Variants in C4orf54 observed in about 807,000 individuals in gnomAD.
C4orf54 encodes uncharacterized protein C4orf54.
A neutral mutation model predicts 80.1 loss-of-function variants in C4orf54; 67 were observed. The observed-to-expected ratio is 0.84, with a 90% CI of 0.69 to 1.03. The LOEUF is 1.03. Among genes scored for constraint, C4orf54 ranks in the 50% least tolerant of loss-of-function variants. The pLI is 0.00. For synonymous variants in C4orf54, 1,000 were observed against 917.0 expected (o/e 1.09, Z -1.64); for missense variants, 2,434 against 2,253.5 (o/e 1.08, Z -1.62).
rs775276748 is a variant in C4orf54, at chr4:99,649,329, G to A, written c.5320C>T (p.Arg1774Trp). 2.3e-5 allele frequency: 35 copies of A among 1,535,802 alleles called. No individual in the cohort carries two copies. In the Middle Eastern group the frequency reaches 1.0e-3, roughly 44 times the overall value. ...ISITSQPLGP[R>W]IIAPPSFDGT... The stretch of plus-strand genomic sequence containing the variant: ...TCAAAGGAAGGGGGAGCAATGATCC[G>A]TGGCCCCAGGGGCTGCGAAGTAATG... The change falls in exon 2 of 3, where the codon CGG becomes TGG. Residue 1774 changes from arginine to tryptophan, a missense_variant. By Grantham distance (101) the Arg-to-Trp change is moderately radical. Transcript: ENST00000511828.
At chr4:99,655,014 T>G (rs1443555311) in intron 1 of C4orf54, among the ~76,000 whole-genome samples, 3 of 152,238 alleles carry the variant, frequency 2.0e-5, no homozygotes, top group Admixed American at 6.5e-5. Flanking sequence ...CTGGAAATAT[T>G]TCAAAGTCTC....
Position 99,650,558 on chromosome 4 carries a change from C to T in C4orf54, c.4091G>A (p.Arg1364Lys). The T allele has an allele frequency of 3.3e-6, 5 of 1,536,102 alleles. No homozygotes were observed. The highest frequency in any genetic ancestry group is 4.4e-6 in the Non-Finnish European group (5 of 1,146,894). The change falls in exon 2 of 3, where the codon AGG (arginine) becomes AAG (lysine). Residue 1364 changes from arginine to lysine, a missense_variant. Physicochemically the swap from Arg to Lys is conservative, Grantham distance 26. Coordinates refer to ENST00000511828, the MANE Select transcript of C4orf54 (RefSeq NM_001354435.2). Reference protein sequence around the residue: ...ARAAAFENLARERPRSLYIPP... With the variant: ...ARAAAFENLAKERPRSLYIPP... ...AATATAGAGAGATCGGGGTCTTTCC[C>T]TGGCCAGGTTCTCAAAGGCCGCTGC...
chr4:99,652,243 G>T lies in C4orf54; in HGVS notation c.2406C>A (p.Gly802=). 2 of 1,535,864 alleles carry T rather than the reference G, an allele frequency of 1.3e-6. No homozygotes were observed. The highest frequency in any genetic ancestry group is 1.7e-6 in the Non-Finnish European group (2 of 1,146,800). The change falls in exon 2 of 3, where the codon GGC becomes GGA. Residue 802 remains glycine (G), a synonymous_variant. Coordinates refer to ENST00000511828, the MANE Select transcript of C4orf54 (RefSeq NM_001354435.2). ...TGGAGGCGAACTTGGACTTCTGGGG[G>T]CCATCGGCGCGGGAGGTGGGCTTGC... ...EGSKPTSRAD[G]PQKSKFASSL... is the part of the protein sequence containing the mutation.
rs759616064 is a variant in C4orf54 at position 99,652,007 on chromosome 4, A to G, written c.2642T>C (p.Met881Thr). 1 of 1,535,990 alleles carries G rather than the reference A, an allele frequency of 6.5e-7. No individual in the cohort carries two copies. Among genetic ancestry groups the G allele is most frequent in the Admixed American group, 2.0e-5 (1 of 50,984 alleles). Residue 881 changes from methionine to threonine, a missense_variant, in exon 2 of 3, where the codon ATG becomes ACG. By Grantham distance (81) the Met-to-Thr change is moderately conservative. Coordinates refer to ENST00000511828, the MANE Select transcript of C4orf54 (RefSeq NM_001354435.2). ...GGACCCCTCCCCGCCCGCGTCGGACATGCTGACCACTGTGTACTCGGAGCC... is the reference window on the plus strand; with the variant it reads ...GGACCCCTCCCCGCCCGCGTCGGACGTGCTGACCACTGTGTACTCGGAGCC... Reference protein sequence around the residue: ...EAGSEYTVVSMSDAGGEGSVA... With the variant: ...EAGSEYTVVSTSDAGGEGSVA...
intron 2 of C4orf54, among the ~76,000 whole-genome samples, chr4:99,646,879 A>G (rs1230074921): frequency 1.3e-5 from 2 of 152,202 alleles, no homozygotes; most frequent in African/African-American, 4.8e-5. Flanking sequence ...AAAGAATTAC[A>G]CACTTAAAAA....
In C4orf54 at chr4:99,653,638, TC is replaced by T; in HGVS notation, c.1010del (p.Gly337GlufsTer39). The T allele has an allele frequency of 1.3e-6, 2 of 1,531,004 alleles. No individual in the cohort carries two copies. Among genetic ancestry groups the T allele is most frequent in the East Asian group, 2.4e-5 (1 of 40,854 alleles). 94.8% of individuals were successfully genotyped at this position (1,531,004 alleles called of 1,614,324 possible). A position where few individuals can be genotyped will look rare whatever the true frequency, so the allele number is the denominator to read the frequency against. On this transcript the variant is annotated frameshift_variant, in exon 2 of 3. Transcript: ENST00000511828. LOFTEE classifies it high-confidence loss of function. Reference sequence around the variant, plus strand: ...ACTCTGTTCCATCTCCTGCCCCTCCTCCCCCTCCTCCTTTTCCTCCTCCCCC... The same window carrying T: ...ACTCTGTTCCATCTCCTGCCCCTCCTCCCCTCCTCCTTTTCCTCCTCCCCC... ...GGGGGGKGGG[G>X]GGAGDGTECR...
Position 99,649,702 on chromosome 4 carries a change from G to A in C4orf54, c.4947C>T (p.Thr1649=), listed in dbSNP as rs2110252077. The change falls in exon 2 of 3, where the codon ACC becomes ACT. Residue 1649 remains threonine, a synonymous_variant. Transcript: ENST00000511828. ...ETGQYVDVPM[T]SQQQAVAPMS... ...TGGGAGCCACAGCCTGCTGCTGGGA[G>A]GTCATGGGCACATCCACATACTGCC... The A allele has an allele frequency of 6.5e-7, 1 of 1,536,188 alleles. No homozygotes were observed. Among genetic ancestry groups the A allele is most frequent in the East Asian group, 2.4e-5 (1 of 40,914 alleles).
Position 99,649,266 on chromosome 4 carries a change from A to G in C4orf54, c.*1T>C. On this transcript the variant is annotated 3_prime_UTR_variant, in exon 2 of 3. Coordinates refer to ENST00000511828, the MANE Select transcript of C4orf54 (RefSeq NM_001354435.2). ...TCATTCCGCTTCCTGGTGGCTGCTC[A>G]TCATCTGTGTTCTACCACAAAGCTC... is the stretch of plus-strand genomic sequence containing the variant. 1.3e-6 allele frequency: 2 copies of G among 1,501,874 alleles called. No individual in the cohort carries two copies. Among genetic ancestry groups the G allele is most frequent in the Non-Finnish European group, 1.8e-6 (2 of 1,127,014 alleles). 93.0% of individuals were successfully genotyped at this position (1,501,874 alleles called of 1,614,324 possible).
At position 99,653,089 on chromosome 4, in the gene C4orf54, G is replaced by A; in HGVS notation, c.1560C>T (p.Leu520=). The A allele has an allele frequency of 6.5e-7, 1 of 1,536,272 alleles. No homozygotes were observed. Among genetic ancestry groups the A allele is most frequent in the Non-Finnish European group, 8.7e-7 (1 of 1,146,910 alleles). The stretch of plus-strand genomic sequence containing the variant: ...CCCGGGAAGCCGGTTTGATTGATAG[G>A]AGGATCTGGCTTGCTGCACTCCCAC... The part of the protein sequence containing the change: ...SSCGSAASQI[L]LSIKPASRAI... The change falls in exon 2 of 3, where the codon CTC becomes CTT. Residue 520 remains leucine (L), a synonymous_variant. Transcript: ENST00000511828.
chr4:99,654,618 C>A lies in C4orf54; in HGVS notation c.31G>T (p.Gly11Cys). 1 of 695,694 alleles carries A rather than the reference C, an allele frequency of 1.4e-6. No individual in the cohort carries two copies. The highest frequency in any genetic ancestry group is 1.7e-5 in the African/African-American group (1 of 57,216). The allele number at this position is 695,694 out of a possible 1,614,324, so 43.1% of individuals were successfully genotyped here. A position where few individuals can be genotyped will look rare whatever the true frequency, so the allele number is the denominator to read the frequency against. Residue 11 changes from glycine (G) to cysteine (C), a missense_variant, in exon 2 of 3, where the codon GGT becomes TGT. Transcript: ENST00000511828. The stretch of plus-strand genomic sequence containing the variant: ...GAAGAAGCAGCATCTGTAGGTTGAC[C>A]CCGGGACTTCCAGAAATGAAAGGAA... MLSFHFWKSR[G>C]QPTDAASSVA...
At chr4:99,641,226 T>C (rs907750536) in intron 2 of C4orf54, 30 bp from the exon 3 acceptor site, 19 of 151,902 alleles carry the variant, frequency 1.3e-4, no homozygotes, top group Admixed American at 7.9e-4. Context: ...AGAAAAAACA[T>C]AGTCAAGGAA....
Position 99,650,465 on chromosome 4 carries a change from C to G in C4orf54, c.4184G>C (p.Arg1395Pro). 5 of 1,534,250 alleles carry G rather than the reference C, an allele frequency of 3.3e-6. No homozygotes were observed. Among genetic ancestry groups the G allele is most frequent in the Non-Finnish European group, 3.5e-6 (4 of 1,145,920 alleles). Residue 1395 changes from arginine to proline, a missense_variant, in exon 2 of 3, where the codon CGG (arginine) becomes CCG (proline). Physicochemically the swap from Arg to Pro is moderately radical, Grantham distance 103 (BLOSUM62 -2). Coordinates refer to ENST00000511828, the MANE Select transcript of C4orf54 (RefSeq NM_001354435.2). ...GCTGGCACTCACTGTGAACACGTTCCGGTTGCTGGGGAGTGGTGGGAGGGG... is the reference window on the plus strand; with the variant it reads ...GCTGGCACTCACTGTGAACACGTTCGGGTTGCTGGGGAGTGGTGGGAGGGG... ...LQPLPPLPSN[R>P]NVFTVSASSI... is the part of the protein sequence containing the mutation.
rs774652080 is a variant in C4orf54, at chr4:99,650,197, A to G, written c.4452T>C (p.Leu1484=). The G allele has an allele frequency of 7.8e-6, 12 of 1,535,786 alleles. No individual in the cohort carries two copies. In the South Asian group the frequency reaches 1.4e-4, roughly 18 times the overall value. Residue 1484 remains leucine, a synonymous_variant, in exon 2 of 3, where the codon CTT becomes CTC. Transcript: ENST00000511828. ...CCCTGGAAGCCCCAGGCCTGCTAAGAAGCTCCCCTGCAGCAGAGCTTCCTT... is the reference window on the plus strand; with the variant it reads ...CCCTGGAAGCCCCAGGCCTGCTAAGGAGCTCCCCTGCAGCAGAGCTTCCTT... ...PLKGSSAAGE[L]LSRPGASREG...
At chr4:99,645,370 C>A (rs1726683286) in intron 2 of C4orf54, among the ~76,000 whole-genome samples, 1 of 74,890 alleles carries the variant, frequency 1.3e-5, no homozygotes, top group Non-Finnish European at 2.5e-5. Context: ...GCAGGAGCAA[C>A]ATGAAACACA....
At position 99,640,083 on chromosome 4, in the gene C4orf54, A is replaced by G. The variant is rs542473247; in HGVS notation, c.*1150T>C. On this transcript the variant is annotated 3_prime_UTR_variant, in exon 3 of 3. Coordinates refer to ENST00000511828, the MANE Select transcript of C4orf54 (RefSeq NM_001354435.2). ...AGCTAAATATTTATCTGTTCAATCA[A>G]GTCTTCCAGTCTTCAAGACTCCCTG... 1 of 152,300 alleles carries G rather than the reference A, an allele frequency of 6.6e-6. No individual in the cohort carries two copies. Among genetic ancestry groups the G allele is most frequent in the Non-Finnish European group, 1.5e-5 (1 of 67,990 alleles). The allele number at this position is 152,300 out of a possible 1,614,324, so 9.4% of individuals were successfully genotyped here. A position where few individuals can be genotyped will look rare whatever the true frequency, so the allele number is the denominator to read the frequency against.
rs912255175 is a variant in C4orf54, at chr4:99,652,883, C to A, written c.1766G>T (p.Arg589Leu). Residue 589 changes from arginine (R) to leucine (L), a missense_variant, in exon 2 of 3, where the codon CGC (arginine) becomes CTC (leucine). By Grantham distance (102) the Arg-to-Leu change is moderately radical. Coordinates refer to ENST00000511828, the MANE Select transcript of C4orf54 (RefSeq NM_001354435.2). ...HAKKFIAVPA[R>L]LQTRCGAIRA... Reference sequence around the variant, plus strand: ...GATGGCCCCGCACCTGGTTTGCAGGCGAGCAGGTACAGCAATGAATTTCTT... The same window carrying A: ...GATGGCCCCGCACCTGGTTTGCAGGAGAGCAGGTACAGCAATGAATTTCTT... The A allele has an allele frequency of 2.0e-6, 3 of 1,536,148 alleles. No individual in the cohort carries two copies. Among genetic ancestry groups the A allele is most frequent in the Admixed American group, 2.0e-5 (1 of 51,010 alleles).
At position 99,657,439 on chromosome 4, in the gene C4orf54, T is replaced by A. The variant is rs2637773; in HGVS notation, c.-32+56A>T. Among the ~76,000 whole-genome samples, 214 of 152,342 alleles carry A rather than the reference T, an allele frequency of 1.4e-3. 1 individual carries two copies. The East Asian group carries it at 0.018, about 13-fold the overall frequency. ...TTGCTTCCTCCACAGAGCACAGCCC[T>A]AGTTAAAACTCCCCAAGAGGCAAAG... On this transcript the variant is annotated intron_variant, in intron 1 of 2. Coordinates refer to ENST00000511828, the MANE Select transcript of C4orf54 (RefSeq NM_001354435.2).
chr4:99,656,121 A>G (rs527806462), intron 1 of C4orf54, among the ~76,000 whole-genome samples: 12 of 152,338 alleles, frequency 7.9e-5, no homozygotes, highest in African/African-American at 1.7e-4. Context: ...GAATCAGAAT[A>G]TAGACATAAA....
At chr4:99,646,111 A>G (rs1183239329) in intron 2 of C4orf54, among the ~76,000 whole-genome samples, 4 of 152,180 alleles carry the variant, frequency 2.6e-5, no homozygotes, top group African/African-American at 7.2e-5. Context: ...ATATACGGGA[A>G]GGAACAAAAG....
Sources: gnomAD v4.1 joint callset for allele counts (sites outside exome capture counted in the v4.1 genomes callset) on GRCh38, gnomAD v4.1.1 for gene constraint, MANE v1.5 for transcripts, NCBI Gene and HGNC (gene_info 2026-07-23, HGNC 2026-07-21) for gene names.